DMD: variants seen among roughly 807,000 people sequenced by gnomAD.
DMD encodes the protein dystrophin.
DMD carries 63 observed loss-of-function variants against 330.1 expected under a neutral mutation model. The ratio of observed to expected loss-of-function variants is 0.19; its 90% CI spans 0.16 to 0.24. The LOEUF is 0.24. Among genes scored for constraint, DMD ranks in the 10% least tolerant of loss-of-function variants. The pLI is 1.00. For missense variants in DMD, 3,344 were observed against 2,684.1 expected (o/e 1.25, Z -5.43); for synonymous variants, 1,223 against 959.8 (o/e 1.27, Z -5.07).
intron 1 of DMD, among the ~76,000 whole-genome samples, chrX:33,114,266 C>T (rs996066305): frequency 2.8e-5 from 3 of 108,638 alleles, no homozygotes; most frequent in Non-Finnish European, 3.8e-5. Context: ...CCCACCACCA[C>T]GCCTGGCTAA....
intron 60 of DMD, among the ~76,000 whole-genome samples, chrX:31,360,859 A>G (rs1306261347): frequency 8.9e-6 from 1 of 112,415 alleles, no homozygotes; most frequent in African/African-American, 3.2e-5. Flanking sequence ...AGCTGGGGCA[A>G]AAACAATGTA....
chrX:33,250,856 T>C (rs2052761171), intron 1 of DMD, among the ~76,000 whole-genome samples: 1 of 111,191 alleles, frequency 9.0e-6, no homozygotes, highest in Non-Finnish European at 1.9e-5. Context: ...TAAATAAATT[T>C]ATATTTTGAA....
intron 52 of DMD, among the ~76,000 whole-genome samples, chrX:31,718,846 C>T (rs755402290): frequency 3.6e-5 from 4 of 111,379 alleles, no homozygotes; most frequent in South Asian, 3.8e-4. Context: ...CTTTTCCATG[C>T]GTCATTTCAT....
chrX:32,919,357 G>A (rs1162151941), intron 2 of DMD, among the ~76,000 whole-genome samples: 1 of 111,936 alleles, frequency 8.9e-6, no homozygotes, highest in East Asian at 2.8e-4. Context: ...CAGGTTGCAT[G>A]TCTAAGAACA....
At chrX:31,777,493 G>A (rs1304691101) in intron 50 of DMD, among the ~76,000 whole-genome samples, 1 of 107,206 alleles carries the variant, frequency 9.3e-6, no homozygotes, top group Non-Finnish European at 1.9e-5. Context: ...TTTTTTAGCT[G>A]TGTAACTATA....
chrX:33,035,098 T>C (rs1431497919), intron 1 of DMD, among the ~76,000 whole-genome samples: 1 of 112,092 alleles, frequency 8.9e-6, no homozygotes, highest in Non-Finnish European at 1.9e-5. Flanking sequence ...GGATGAAAAA[T>C]ATAGACATTA....
At position 31,961,465 on chromosome X, in the gene DMD, T is replaced by C. The variant is rs190534471; in HGVS notation, c.6614+6874A>G. On this transcript the variant is annotated intron_variant, in intron 45 of 78. Coordinates refer to ENST00000357033, the MANE Select transcript of DMD (RefSeq NM_004006.3). Reference sequence around the variant, plus strand: ...GCTTTCTGGTAAGTACTGTGGGTTATAGAGATAACAATAAGAGAGTCCTCT... The same window carrying C: ...GCTTTCTGGTAAGTACTGTGGGTTACAGAGATAACAATAAGAGAGTCCTCT... Among the ~76,000 whole-genome samples, 996 of 112,155 alleles carry C rather than the reference T, an allele frequency of 8.9e-3. 4 individuals carry two copies. Among genetic ancestry groups the C allele is most frequent in the Non-Finnish European group, 0.014 (763 of 53,216 alleles).
At chrX:32,207,420 C>A (rs1413167895) in intron 44 of DMD, among the ~76,000 whole-genome samples, 9 of 111,657 alleles carry the variant, frequency 8.1e-5, no homozygotes, top group Admixed American at 6.7e-4. Context: ...GAACTGTGAG[C>A]CAATACATTT....
intron 2 of DMD, among the ~76,000 whole-genome samples, chrX:32,945,152 T>C (rs2090714931): frequency 9.0e-6 from 1 of 110,736 alleles, no homozygotes; most frequent in Non-Finnish European, 1.9e-5. Flanking sequence ...TATAAAATTA[T>C]ATCTGTCCAT....
chrX:31,302,025 A>C (rs914247113), intron 62 of DMD, among the ~76,000 whole-genome samples: 4 of 112,423 alleles, frequency 3.6e-5, no homozygotes, highest in African/African-American at 1.3e-4. Flanking sequence ...TCCAATGAGG[A>C]AACAAAGTTA....
chrX:31,603,155 G>A (rs766116627), intron 55 of DMD, among the ~76,000 whole-genome samples: 38 of 110,391 alleles, frequency 3.4e-4, no homozygotes, highest in East Asian at 8.6e-4. Flanking sequence ...GTATAGACCC[G>A]AACAGAACCG....
rs1212693448 is a variant in DMD, at chrX:33,294,471, T to C, written c.7+44788A>G. On this transcript the variant is annotated intron_variant, in intron 1 of 17. Coordinates refer to the DMD transcript ENST00000288447. The stretch of plus-strand genomic sequence containing the variant: ...TTCAGGACTGCAGTGGCAGAGGCCA[T>C]GAATAGGAGGTAGAGTAGATTGATT... Among the ~76,000 whole-genome samples the C allele has an allele frequency of 3.6e-5, 4 of 111,507 alleles. No homozygotes were observed. The East Asian group carries it at 8.5e-4, about 24-fold the overall frequency.
At chrX:33,276,613 C>T (rs1330819007) in intron 1 of DMD, among the ~76,000 whole-genome samples, 1 of 111,598 alleles carries the variant, frequency 9.0e-6, no homozygotes, top group Non-Finnish European at 1.9e-5. Context: ...CAAAATGATA[C>T]TGGTATTGTA....
At chrX:31,328,171 G>A (rs1277073078) in intron 61 of DMD, among the ~76,000 whole-genome samples, 3 of 111,962 alleles carry the variant, frequency 2.7e-5, no homozygotes, top group Non-Finnish European at 5.6e-5. Flanking sequence ...ACTGTTCTAA[G>A]TAAGGCCACA....
intron 16 of DMD, among the ~76,000 whole-genome samples, chrX:32,553,672 C>T (rs995219073): frequency 8.9e-6 from 1 of 111,950 alleles, no homozygotes; most frequent in African/African-American, 3.2e-5. Flanking sequence ...GTTGCAATTA[C>T]GAACTATTCA....
intron 2 of DMD, among the ~76,000 whole-genome samples, chrX:32,881,551 C>T (rs2083944110): frequency 8.9e-6 from 1 of 112,089 alleles, no homozygotes; most frequent in African/African-American, 3.2e-5. Context: ...CAATAGTAGG[C>T]AGCAATTATT....
In DMD at chrX:32,292,302, C is replaced by CTTTTTTTTTTTTTTT. The variant is rs10652780; in HGVS notation, c.6118-4616_6118-4602dup. Among the ~76,000 whole-genome samples the CTTTTTTTTTTTTTTT allele has an allele frequency of 4.0e-3, 249 of 62,897 alleles. 40 individuals carry two copies. The highest frequency in any genetic ancestry group is 0.012 in the African/African-American group (176 of 14,265). The allele number at this position is 62,897 out of a possible 115,157, so 54.6% of individuals were successfully genotyped here. ...AACAAATATCAACAAAGGGAATATT[C>CTTTTTTTTTTTTTTT]TTTTTTTTTTTTTTTTGAGATGGAG... is the stretch of plus-strand genomic sequence containing the variant. On this transcript the variant is annotated intron_variant, in intron 42 of 78. Coordinates refer to ENST00000357033, the MANE Select transcript of DMD (RefSeq NM_004006.3).
intron 41 of DMD, among the ~76,000 whole-genome samples, chrX:32,341,175 A>T (rs1238567633): frequency 8.9e-6 from 1 of 111,813 alleles, no homozygotes; most frequent in Non-Finnish European, 1.9e-5. Context: ...CATAGGGCAA[A>T]ATGGTTGAGT....
intron 44 of DMD, among the ~76,000 whole-genome samples, chrX:32,082,401 T>TATCTATC (rs1244967330): frequency 9.7e-6 from 1 of 103,098 alleles, no homozygotes; most frequent in Non-Finnish European, 2.0e-5. Flanking sequence ...GCTATCTATC[T>TATCTATC]ATCTATCTAT....
Sources: gnomAD v4.1 joint callset for allele counts (sites outside exome capture counted in the v4.1 genomes callset) on GRCh38, gnomAD v4.1.1 for gene constraint, MANE v1.5 for transcripts, NCBI Gene and HGNC (gene_info 2026-07-23, HGNC 2026-07-21) for gene names.